CORO2B: variants seen among roughly 807,000 people sequenced by gnomAD.
CORO2B encodes coronin-2B.
CORO2B carries 26 observed loss-of-function variants against 58.8 expected under a neutral mutation model. The ratio of observed to expected loss-of-function variants is 0.44; its 90% CI spans 0.32 to 0.61. The LOEUF is 0.61. Among genes scored for constraint, CORO2B ranks in the 20% least tolerant of loss-of-function variants. The probability of loss-of-function intolerance (pLI) is 0.04; values close to 1 mark genes in which losing one functional copy is unlikely to be tolerated. For synonymous variants in CORO2B, 242 were observed against 253.8 expected (o/e 0.95, Z 0.44); for missense variants, 460 against 645.1 (o/e 0.71, Z 3.11).
chr15:68,521,210 CT>C, the CORO2B span, among the ~76,000 whole-genome samples: 1 of 152,052 alleles, frequency 6.6e-6, no homozygotes, highest in South Asian at 2.1e-4. Flanking sequence ...TTCTTGCATT[CT>C]TTTGAATTAA....
At chr15:68,547,141 C>T in the CORO2B span, among the ~76,000 whole-genome samples, 1 of 152,126 alleles carries the variant, frequency 6.6e-6, no homozygotes, top group East Asian at 1.9e-4. Context: ...AGGATAATTG[C>T]TAGAGGTTTT....
At chr15:68,705,437 A>T (rs1485117115) in intron 3 of CORO2B, among the ~76,000 whole-genome samples, 1,160 of 18,120 alleles carry the variant, frequency 0.064, 15 homozygotes, top group African/African-American at 0.13. Flanking sequence ...ACTCTATCTC[A>T]AAAAAAAAAA....
At chr15:68,669,304 C>T (rs1902308918) in intron 2 of CORO2B, among the ~76,000 whole-genome samples, 5 of 152,312 alleles carry the variant, frequency 3.3e-5, no homozygotes, top group Middle Eastern at 3.4e-3. Context: ...GACTTGGAGC[C>T]TTTATCTCTC....
Position 68,616,523 on chromosome 15 carries a change from A to T in CORO2B, c.16-28637A>T, listed in dbSNP as rs546724278. 1,962 of 985,326 alleles carry T rather than the reference A, an allele frequency of 2.0e-3. 3 individuals carry two copies. The highest frequency in any genetic ancestry group is 2.2e-3 in the Non-Finnish European group (1,857 of 829,850). The allele number at this position is 985,326 out of a possible 1,614,324, so 61.0% of individuals were successfully genotyped here. The stretch of plus-strand genomic sequence containing the variant: ...ATGCTCCACTCCCTTAAAAGCAGGC[A>T]GCTGCCCTGGATCCAGATTCAAACC... On this transcript the variant is annotated intron_variant, in intron 1 of 11. Transcript: ENST00000261861.
At chr15:68,674,251 T>C (rs1902498659) in intron 2 of CORO2B, among the ~76,000 whole-genome samples, 1 of 152,220 alleles carries the variant, frequency 6.6e-6, no homozygotes, top group Non-Finnish European at 1.5e-5. Flanking sequence ...TAGGCGAGGC[T>C]TTCCAGAGAA....
intron 3 of CORO2B, among the ~76,000 whole-genome samples, chr15:68,707,295 A>G (rs1892807480): frequency 6.6e-6 from 1 of 152,234 alleles, no homozygotes; most frequent in Non-Finnish European, 1.5e-5. Flanking sequence ...GGCATAATGA[A>G]GCAGTCTCAG....
intron 2 of CORO2B, among the ~76,000 whole-genome samples, chr15:68,687,009 G>A (rs941614333): frequency 6.6e-6 from 1 of 152,178 alleles, no homozygotes; most frequent in Non-Finnish European, 1.5e-5. Context: ...CTTCTTCACA[G>A]TTGTTCTGGC....
At chr15:68,591,787 G>A (rs139389867) in intron 1 of CORO2B, among the ~76,000 whole-genome samples, 7 of 152,306 alleles carry the variant, frequency 4.6e-5, no homozygotes, top group East Asian at 1.9e-4. Context: ...GCTGCCAGAT[G>A]GTTCGATCTA....
intron 2 of CORO2B, among the ~76,000 whole-genome samples, chr15:68,674,889 C>T (rs764089926): frequency 1.3e-5 from 2 of 152,194 alleles, no homozygotes; most frequent in Non-Finnish European, 2.9e-5. Context: ...TTATCTCCCA[C>T]TACACTCTCT....
intron 2 of CORO2B, among the ~76,000 whole-genome samples, chr15:68,688,628 G>T (rs1892283542): frequency 6.6e-6 from 1 of 152,164 alleles, no homozygotes; most frequent in South Asian, 2.1e-4. Context: ...CTTTAGCAAT[G>T]CTCATGCCAC....
At chr15:68,556,785 C>T in the CORO2B span, among the ~76,000 whole-genome samples, 1 of 152,224 alleles carries the variant, frequency 6.6e-6, no homozygotes, top group Admixed American at 6.5e-5. Flanking sequence ...CCGAGGGACT[C>T]ACTGCCCAAG....
chr15:68,644,897 G>C (rs1462386878), intron 1 of CORO2B, among the ~76,000 whole-genome samples: 1 of 152,138 alleles, frequency 6.6e-6, no homozygotes, highest in Non-Finnish European at 1.5e-5. Context: ...AAGTGGGGTG[G>C]GCATGTGTAC....
chr15:68,561,676 G>A, the CORO2B span, among the ~76,000 whole-genome samples: 2 of 152,202 alleles, frequency 1.3e-5, no homozygotes, highest in African/African-American at 4.8e-5. Context: ...TGGGCAGAGT[G>A]TACAGGATTT....
intron 2 of CORO2B, among the ~76,000 whole-genome samples, chr15:68,678,828 C>T (rs896889735): frequency 1.3e-5 from 2 of 152,224 alleles, no homozygotes; most frequent in African/African-American, 2.4e-5. Flanking sequence ...CCTTCATTGC[C>T]GGTCCTCCAG....
intron 1 of CORO2B, among the ~76,000 whole-genome samples, chr15:68,618,063 T>C (rs1157521654): frequency 6.6e-6 from 1 of 152,210 alleles, no homozygotes; most frequent in Non-Finnish European, 1.5e-5. Flanking sequence ...GTGCTGTGGC[T>C]TTCAGACTTT....
the CORO2B span, among the ~76,000 whole-genome samples, chr15:68,552,444 G>A: frequency 7.5e-6 from 1 of 133,844 alleles, no homozygotes; most frequent in African/African-American, 2.8e-5. Flanking sequence ...AACTCCCAAG[G>A]GGCAGCCATG....
intron 2 of CORO2B, among the ~76,000 whole-genome samples, chr15:68,690,301 A>G (rs992351327): frequency 1.3e-5 from 2 of 152,068 alleles, no homozygotes; most frequent in Non-Finnish European, 2.9e-5. Context: ...TAGAGCCACA[A>G]TCCCTGTCCC....
At chr15:68,565,855 TC>T in the CORO2B span, among the ~76,000 whole-genome samples, 1 of 152,206 alleles carries the variant, frequency 6.6e-6, no homozygotes, top group African/African-American at 2.4e-5. Flanking sequence ...TTCCCCAGTT[TC>T]CCCCTCTCCC....
chr15:68,525,728 G>T, the CORO2B span, among the ~76,000 whole-genome samples: 1 of 151,954 alleles, frequency 6.6e-6, no homozygotes, highest in African/African-American at 2.4e-5. Flanking sequence ...TGGGCTTGCT[G>T]GATTTTTTTA....
Sources: allele counts gnomAD v4.1 joint callset (sites outside exome capture counted in the v4.1 genomes callset), GRCh38; gene constraint gnomAD v4.1.1; transcripts MANE v1.5; gene names NCBI Gene and HGNC (gene_info 2026-07-23, HGNC 2026-07-21).